PIK3R6: variants seen among roughly 807,000 people sequenced by gnomAD.
PIK3R6 encodes the protein phosphoinositide 3-kinase regulatory subunit 6.
PIK3R6 carries 91 observed loss-of-function variants against 84.9 expected under a neutral mutation model. The ratio of observed to expected loss-of-function variants is 1.07; its 90% CI spans 0.90 to 1.28. The LOEUF is 1.28. Ranked by LOEUF, PIK3R6 falls within the 50% of genes most tolerant of loss-of-function variation. The pLI is 0.00. For missense variants in PIK3R6, 996 were observed against 985.1 expected (o/e 1.01, Z -0.15); for synonymous variants, 416 against 411.4 (o/e 1.01, Z -0.13).
Position 8,803,158 on chromosome 17 carries a change from CTGGTCAAGGCCAA to C in PIK3R6, c.*102_*114del. 4 of 1,409,728 alleles carry C rather than the reference CTGGTCAAGGCCAA, an allele frequency of 2.8e-6. No homozygotes were observed. The highest frequency in any genetic ancestry group is 3.9e-6 in the Non-Finnish European group (4 of 1,026,372). 87.3% of individuals were successfully genotyped at this position (1,409,728 alleles called of 1,614,324 possible). A position where few individuals can be genotyped will look rare whatever the true frequency, so the allele number is the denominator to read the frequency against. ...TGTGCTCCCAGGCACTCGCTGGCTC[CTGGTCAAGGCCAA>C]AGCTGCCGTGTGGAGCCGGGCCTTG... is the stretch of plus-strand genomic sequence containing the variant. On this transcript the variant is annotated 3_prime_UTR_variant, in exon 20 of 20. Transcript: ENST00000619866. The surrounding 1 kb of genome is among the most constrained non-coding windows in gnomAD (Gnocchi z 5.0).
chr17:8,866,457 G>A (rs1294399289), intron 1 of PIK3R6, among the ~76,000 whole-genome samples: 1 of 152,174 alleles, frequency 6.6e-6, no homozygotes, highest in East Asian at 1.9e-4. Flanking sequence ...CAGGAGAATC[G>A]CTTGAACCCA....
chr17:8,829,884 TAGAG>T, intron 9 of PIK3R6, 92 bp from the exon 10 acceptor site: 2 of 1,007,542 alleles, frequency 2.0e-6, no homozygotes, highest in Non-Finnish European at 2.9e-6. Flanking sequence ...TGCGGGGTCT[TAGAG>T]AGGTGGCAGG....
chr17:8,805,113 C>A (rs2087164374), intron 18 of PIK3R6, among the ~76,000 whole-genome samples: 1 of 152,134 alleles, frequency 6.6e-6, no homozygotes, highest in South Asian at 2.1e-4. Context: ...AGCCAGAAGT[C>A]TGTGGACAGG....
At chr17:8,861,389 A>G (rs1030037205) in intron 1 of PIK3R6, among the ~76,000 whole-genome samples, 4 of 152,310 alleles carry the variant, frequency 2.6e-5, no homozygotes, top group African/African-American at 9.6e-5. Flanking sequence ...CCGATGCCCT[A>G]TACAGCAATC....
intron 18 of PIK3R6, among the ~76,000 whole-genome samples, chr17:8,806,377 G>T (rs780392429): frequency 6.6e-6 from 1 of 152,136 alleles, no homozygotes; most frequent in South Asian, 2.1e-4. Flanking sequence ...GGGCCTCCAC[G>T]CCCTGCCCAT....
intron 1 of PIK3R6, among the ~76,000 whole-genome samples, chr17:8,864,044 A>C (rs2089345431): frequency 1.3e-5 from 2 of 152,170 alleles, no homozygotes; most frequent in Non-Finnish European, 1.5e-5. Context: ...AGATGTTGGG[A>C]GACAATTCTC....
intron 1 of PIK3R6, among the ~76,000 whole-genome samples, chr17:8,865,454 C>T (rs1443140367): frequency 3.9e-5 from 6 of 152,208 alleles, no homozygotes; most frequent in African/African-American, 1.4e-4. Flanking sequence ...ACTCTGTCTG[C>T]CTCCTGTCCT....
intron 1 of PIK3R6, among the ~76,000 whole-genome samples, chr17:8,864,806 G>A (rs961236194): frequency 6.6e-6 from 1 of 151,978 alleles, no homozygotes; most frequent in African/African-American, 2.4e-5. Flanking sequence ...CAAAGTGCTG[G>A]GATTACAGGC....
At chr17:8,863,785 G>C (rs1023247536) in intron 1 of PIK3R6, among the ~76,000 whole-genome samples, 1 of 152,260 alleles carries the variant, frequency 6.6e-6, no homozygotes, top group South Asian at 2.1e-4. Flanking sequence ...CACCCGCCTC[G>C]GCCTCCCAAA....
At chr17:8,861,470 A>G (rs2089283429) in intron 1 of PIK3R6, among the ~76,000 whole-genome samples, 1 of 152,228 alleles carries the variant, frequency 6.6e-6, no homozygotes, top group Non-Finnish European at 1.5e-5. Context: ...AAAATATTAA[A>G]TGAAAAATTC....
At chr17:8,836,286 C>T (rs2088463507) in intron 7 of PIK3R6, among the ~76,000 whole-genome samples, 1 of 152,212 alleles carries the variant, frequency 6.6e-6, no homozygotes, top group African/African-American at 2.4e-5. Context: ...GCCATGTCCA[C>T]CTTCTGCATG....
Position 8,835,385 on chromosome 17 carries a change from G to T in PIK3R6, c.533C>A (p.Ala178Glu). ...CTCTGGTGTCTGCTGCGCCTGGGCC[G>T]CCTCGATCTCCAGTAGCAGAGCACT... ...VCSALLLEIE[A>E]AQAQQTPETC... The change falls in exon 8 of 20, where the codon GCG becomes GAG. Residue 178 changes from alanine (A) to glutamate (E), a missense_variant. By Grantham distance (107) the Ala-to-Glu change is moderately radical (BLOSUM62 -1). Transcript: ENST00000619866. 2 of 1,611,682 alleles carry T rather than the reference G, an allele frequency of 1.2e-6. No individual in the cohort carries two copies. The highest frequency in any genetic ancestry group is 2.7e-5 in the African/African-American group (2 of 75,008).
At chr17:8,840,177 A>T (rs1237047755) in intron 2 of PIK3R6, among the ~76,000 whole-genome samples, 1 of 133,538 alleles carries the variant, frequency 7.5e-6, no homozygotes, top group African/African-American at 2.9e-5. Flanking sequence ...ATAGCCTCCA[A>T]ATATATATAT....
chr17:8,852,177 T>C (rs1397236031), intron 1 of PIK3R6, among the ~76,000 whole-genome samples: 1 of 152,144 alleles, frequency 6.6e-6, no homozygotes, highest in Non-Finnish European at 1.5e-5. Context: ...CTGTTTGGAA[T>C]GATGAGAAGG....
chr17:8,866,044 G>T (rs2089403918), intron 1 of PIK3R6, among the ~76,000 whole-genome samples: 1 of 152,088 alleles, frequency 6.6e-6, no homozygotes, highest in African/African-American at 2.4e-5. Flanking sequence ...CCTGCAGCAG[G>T]TTCTAGTGTG....
At chr17:8,851,535 A>G (rs35810468) in intron 1 of PIK3R6, among the ~76,000 whole-genome samples, 10 of 152,028 alleles carry the variant, frequency 6.6e-5, no homozygotes, top group African/African-American at 2.2e-4. Flanking sequence ...CAAACAAAAA[A>G]CCACAAAATA....
chr17:8,828,485 CT>C, intron 11 of PIK3R6, 81 bp downstream of exon 11: 1 of 1,514,966 alleles, frequency 6.6e-7, no homozygotes. Flanking sequence ...TCTTGCCACC[CT>C]GTGATCCTTC....
intron 2 of PIK3R6, among the ~76,000 whole-genome samples, chr17:8,840,688 A>G (rs1049761557): frequency 6.7e-5 from 10 of 148,410 alleles, no homozygotes; most frequent in Admixed American, 2.7e-4. Flanking sequence ...TAAAATATAT[A>G]TATAAAAAAC....
chr17:8,827,750 A>G (rs2087979401), intron 12 of PIK3R6, among the ~76,000 whole-genome samples: 1 of 74,506 alleles, frequency 1.3e-5, no homozygotes, highest in African/African-American at 7.2e-5. Flanking sequence ...GGGGAGAGAG[A>G]GAGAGAGAGA....
Sources: allele counts gnomAD v4.1 joint callset (sites outside exome capture counted in the v4.1 genomes callset), GRCh38; gene constraint gnomAD v4.1.1; non-coding constraint Gnocchi (gnomAD v3.1); transcripts MANE v1.5; gene names NCBI Gene and HGNC (gene_info 2026-07-23, HGNC 2026-07-21).